Variants in AP3B1 observed in about 807,000 individuals in gnomAD.
The protein encoded by AP3B1 is adaptor related protein complex 3 subunit beta 1.
A neutral mutation model predicts 132.5 loss-of-function variants in AP3B1; 61 were observed. That is an observed-to-expected ratio of 0.46 (90% CI 0.37 to 0.57). AP3B1 has a LOEUF of 0.57. AP3B1 is among the 20% of genes least tolerant of loss of function. AP3B1 has a pLI of 0.00. For synonymous variants in AP3B1, 388 were observed against 438.3 expected (o/e 0.89, Z 1.43); for missense variants, 1,120 against 1,289.4 (o/e 0.87, Z 2.01).
intron 22 of AP3B1, among the ~76,000 whole-genome samples, chr5:78,059,237 C>A (rs1748941677): frequency 2.0e-5 from 3 of 152,186 alleles, no homozygotes; most frequent in Non-Finnish European, 2.9e-5. Context: ...AGCCATGAAC[C>A]AAGGAATGTG....
intron 22 of AP3B1, among the ~76,000 whole-genome samples, chr5:78,066,576 A>G (rs906931114): frequency 6.6e-6 from 1 of 152,242 alleles, no homozygotes; most frequent in Admixed American, 6.5e-5. Flanking sequence ...CTGAGCTTGA[A>G]GACTATCTTG....
intron 22 of AP3B1, among the ~76,000 whole-genome samples, chr5:78,073,766 G>C (rs1468291984): frequency 6.6e-6 from 1 of 152,016 alleles, no homozygotes; most frequent in Non-Finnish European, 1.5e-5. Flanking sequence ...CATAATCTTA[G>C]GGAAAAGTGG....
chr5:78,066,627 G>T (rs1749303224), intron 22 of AP3B1, among the ~76,000 whole-genome samples: 3 of 152,054 alleles, frequency 2.0e-5, no homozygotes, highest in African/African-American at 7.2e-5. Flanking sequence ...AAAAATGAAT[G>T]AAAAGGAACA....
chr5:78,024,221 C>T (rs965286493), intron 24 of AP3B1, among the ~76,000 whole-genome samples: 1 of 152,006 alleles, frequency 6.6e-6, no homozygotes, highest in Non-Finnish European at 1.5e-5. Context: ...TGTATGTATA[C>T]ATACATGGAA....
chr5:78,141,386 G>A, intron 14 of AP3B1, 67 bp from the exon 15 acceptor site: 1 of 1,305,776 alleles, frequency 7.7e-7, no homozygotes, highest in Non-Finnish European at 1.1e-6. Context: ...ACATAGAAAA[G>A]GTTTTAACTA....
intron 17 of AP3B1, among the ~76,000 whole-genome samples, chr5:78,123,613 A>G (rs1229108576): frequency 3.9e-5 from 6 of 152,310 alleles, no homozygotes; most frequent in East Asian, 3.9e-4. Flanking sequence ...GTCATCACTG[A>G]CCATCAGAGA....
At chr5:78,091,295 A>AG (rs70997967) in intron 21 of AP3B1, among the ~76,000 whole-genome samples, 1 of 150,500 alleles carries the variant, frequency 6.6e-6, no homozygotes, top group Non-Finnish European at 1.5e-5. Context: ...AAAAAAAAAA[A>AG]GTAACAATAC....
chr5:78,203,457 T>C (rs577195524), intron 7 of AP3B1, among the ~76,000 whole-genome samples: 1 of 152,222 alleles, frequency 6.6e-6, no homozygotes, highest in African/African-American at 2.4e-5. Flanking sequence ...CTGCCCCCCA[T>C]GATTCAATTA....
intron 26 of AP3B1, among the ~76,000 whole-genome samples, chr5:78,014,159 T>C (rs1379190282): frequency 1.3e-5 from 2 of 150,768 alleles, no homozygotes; most frequent in Non-Finnish European, 1.5e-5. Context: ...TAAGACTGTC[T>C]CAACAACAAC....
In AP3B1 at chr5:78,151,001, C is replaced by T. The variant is rs141627821; in HGVS notation, c.1473+5257G>A. Among the ~76,000 whole-genome samples the T allele has an allele frequency of 4.6e-5, 7 of 152,270 alleles. No homozygotes were observed. In the East Asian group the frequency reaches 1.4e-3, roughly 29 times the overall value. On this transcript the variant is annotated intron_variant, in intron 14 of 26. Coordinates refer to ENST00000255194, the MANE Select transcript of AP3B1 (RefSeq NM_003664.5). Reference sequence around the variant, plus strand: ...TGGCACAATCTCAGTTCACTGTAGCCTCCACCTCCCATGTTCCACCGATTC... The same window carrying T: ...TGGCACAATCTCAGTTCACTGTAGCTTCCACCTCCCATGTTCCACCGATTC...
chr5:78,141,346 TAGA>T (rs769963686), intron 14 of AP3B1, 27 bp from the exon 15 acceptor site: 447 of 1,585,346 alleles, frequency 2.8e-4, no homozygotes, highest in Middle Eastern at 5.0e-4. Flanking sequence ...ATTACATAGT[TAGA>T]AGTAAGTTAA....
chr5:78,123,489 A>C lies in AP3B1; in HGVS notation c.1968+4541T>G, dbSNP rs539544430. Among the ~76,000 whole-genome samples the C allele has an allele frequency of 3.3e-5, 5 of 152,206 alleles. No homozygotes were observed. In the East Asian group the frequency reaches 9.6e-4, roughly 29 times the overall value. On this transcript the variant is annotated intron_variant, in intron 17 of 26. Transcript: ENST00000255194. ...TATCCAGAATCTACAATGAACTCAAACAAATTTACAAGAAAAAAACAAACA... is the reference window on the plus strand; with the variant it reads ...TATCCAGAATCTACAATGAACTCAACCAAATTTACAAGAAAAAAACAAACA...
At chr5:78,044,856 T>G (rs1019990100) in intron 22 of AP3B1, among the ~76,000 whole-genome samples, 7 of 152,106 alleles carry the variant, frequency 4.6e-5, no homozygotes, top group African/African-American at 1.7e-4. Context: ...AAGGGATGAA[T>G]AAAGAAAGAA....
intron 2 of AP3B1, among the ~76,000 whole-genome samples, chr5:78,261,572 TCTC>T (rs1316673658): frequency 2.0e-5 from 3 of 152,170 alleles, no homozygotes; most frequent in African/African-American, 7.2e-5. Context: ...TTCAAGCAAT[TCTC>T]CTTCCTCAGT....
At chr5:78,242,460 G>A (rs1346062306) in intron 2 of AP3B1, among the ~76,000 whole-genome samples, 2 of 152,008 alleles carry the variant, frequency 1.3e-5, no homozygotes, top group Non-Finnish European at 2.9e-5. Flanking sequence ...AGCCTGGAAC[G>A]CAGTGGCACA....
intron 22 of AP3B1, among the ~76,000 whole-genome samples, chr5:78,040,903 A>C (rs762741069): frequency 2.0e-5 from 3 of 152,236 alleles, no homozygotes; most frequent in Non-Finnish European, 4.4e-5. Flanking sequence ...AAAATGCTAC[A>C]TCATGCCTTC....
chr5:78,122,034 G>A (rs978937049), intron 17 of AP3B1, among the ~76,000 whole-genome samples: 1 of 152,182 alleles, frequency 6.6e-6, no homozygotes, highest in Non-Finnish European at 1.5e-5. Context: ...ATGCAAGGCT[G>A]GTTCAACATA....
At chr5:78,292,282 A>C (rs527882356) in intron 1 of AP3B1, among the ~76,000 whole-genome samples, 2 of 152,354 alleles carry the variant, frequency 1.3e-5, no homozygotes, top group South Asian at 4.1e-4. Flanking sequence ...CACTTCCAGA[A>C]CAGGGGTCTC....
Position 78,277,976 on chromosome 5 carries a change from G to C in AP3B1, c.129-10381C>G, listed in dbSNP as rs543706069. Among the ~76,000 whole-genome samples the C allele has an allele frequency of 3.2e-4, 49 of 152,232 alleles. 1 individual carries two copies. The South Asian group carries it at 0.01, about 32-fold the overall frequency. On this transcript the variant is annotated intron_variant, in intron 1 of 26. Transcript: ENST00000255194. ...AATGCCCTCAGCTACTTGGCCTCTT[G>C]GTAGGCAGCAGGAAGTATGTTTTAC...
Sources: gnomAD v4.1 joint callset for allele counts (sites outside exome capture counted in the v4.1 genomes callset) on GRCh38, gnomAD v4.1.1 for gene constraint, MANE v1.5 for transcripts, NCBI Gene and HGNC (gene_info 2026-07-23, HGNC 2026-07-21) for gene names.